The following RNF111 variants were observed in gnomAD, a reference collection of about 807,000 sequenced individuals.
The protein encoded by RNF111 is E3 ubiquitin-protein ligase Arkadia.
In RNF111, 17 loss-of-function variants were observed where a neutral mutation model predicts 95.1. The ratio of observed to expected loss-of-function variants is 0.18; its 90% CI spans 0.12 to 0.27. RNF111 has a LOEUF of 0.27. Ranked by LOEUF, RNF111 falls within the 10% of genes least tolerant of loss-of-function variation. RNF111 has a pLI of 1.00. For synonymous variants in RNF111, 440 were observed against 414.8 expected (o/e 1.06, Z -0.74); for missense variants, 1,189 against 1,210.4 (o/e 0.98, Z 0.26).
chr15:59,037,341 C>T (rs2041228568), intron 2 of RNF111, among the ~76,000 whole-genome samples: 1 of 152,084 alleles, frequency 6.6e-6, no homozygotes, highest in African/African-American at 2.4e-5. Context: ...TGTTTTGTTA[C>T]TGCAATATGT....
intron 1 of RNF111, among the ~76,000 whole-genome samples, chr15:58,997,681 T>A (rs1387531994): frequency 3.3e-5 from 5 of 151,122 alleles, no homozygotes; most frequent in African/African-American, 1.2e-4. Context: ...CAGGGCGTGG[T>A]GGCATATGTC....
At chr15:59,081,798 G>T (rs1370975401) in intron 8 of RNF111, among the ~76,000 whole-genome samples, 2 of 147,590 alleles carry the variant, frequency 1.4e-5, no homozygotes, top group Non-Finnish European at 3.0e-5. Flanking sequence ...AGGCTGAGGC[G>T]GGAGGATCGC....
chr15:59,018,260 T>C (rs2040165940), intron 1 of RNF111, among the ~76,000 whole-genome samples: 1 of 152,222 alleles, frequency 6.6e-6, no homozygotes, highest in African/African-American at 2.4e-5. Context: ...TTTCTCACAT[T>C]TGACAATTCC....
At chr15:59,046,431 G>A (rs1458542937) in intron 2 of RNF111, among the ~76,000 whole-genome samples, 7 of 152,094 alleles carry the variant, frequency 4.6e-5, no homozygotes, top group African/African-American at 1.7e-4. Context: ...GGGCTCAAGT[G>A]ATCTGCCCAC....
chr15:59,085,813 A>AAAATATGGAGTGCAGTAGTATGATCTCAG, intron 10 of RNF111, 28 bp downstream of exon 10: 1 of 1,601,444 alleles, frequency 6.2e-7, no homozygotes, highest in Non-Finnish European at 8.5e-7. Context: ...CAAAATTTTG[A>AAAATATGGAGTGCAGTAGTATGATCTCAG]CATGTTCTAA....
Position 59,052,437 on chromosome 15 carries a change from A to G in RNF111, c.1007+6A>G. On this transcript the variant is annotated splice_donor_region_variant and intron_variant, in intron 3 of 13. Transcript: ENST00000348370. ...ACAGTTGGAGAAAGCTATCGGTGAG[A>G]TTTTAATTCTTAGTTAAATGTTTGA... The G allele has an allele frequency of 1.3e-6, 2 of 1,551,920 alleles. No individual in the cohort carries two copies. The highest frequency in any genetic ancestry group is 1.7e-6 in the Non-Finnish European group (2 of 1,155,238).
rs879856672 is a variant in RNF111 at position 59,073,831 on chromosome 15, C to T, written c.1687-2123C>T. Among the ~76,000 whole-genome samples the T allele has an allele frequency of 1.6e-3, 245 of 152,246 alleles. 1 individual carries two copies. Among genetic ancestry groups the T allele is most frequent in the Non-Finnish European group, 2.9e-3 (197 of 68,034 alleles). Reference sequence around the variant, plus strand: ...TTGATCAGAGGAATTATTATGGCAGCTATAGCCTTATGAAATGTATTTCTT... The same window carrying T: ...TTGATCAGAGGAATTATTATGGCAGTTATAGCCTTATGAAATGTATTTCTT... On this transcript the variant is annotated intron_variant, in intron 6 of 13. Transcript: ENST00000348370.
At chr15:58,996,084 T>C (rs1567196866) in intron 1 of RNF111, among the ~76,000 whole-genome samples, 1 of 152,142 alleles carries the variant, frequency 6.6e-6, no homozygotes, top group East Asian at 1.9e-4. Flanking sequence ...TTTTTTCTTC[T>C]TTTCTTTTTC....
At chr15:58,993,918 G>A (rs2038929877) in intron 1 of RNF111, among the ~76,000 whole-genome samples, 1 of 151,840 alleles carries the variant, frequency 6.6e-6, no homozygotes, top group Non-Finnish European at 1.5e-5. Context: ...TATATGGCTA[G>A]GTGTCAAGTC....
intron 1 of RNF111, among the ~76,000 whole-genome samples, chr15:59,000,672 C>T (rs1241465389): frequency 1.3e-5 from 2 of 151,460 alleles, no homozygotes; most frequent in African/African-American, 4.9e-5. Flanking sequence ...TGGCACCACT[C>T]CGCTCCATCC....
intron 2 of RNF111, among the ~76,000 whole-genome samples, chr15:59,044,325 C>G (rs2041609171): frequency 6.6e-6 from 1 of 152,224 alleles, no homozygotes; most frequent in African/African-American, 2.4e-5. Context: ...GCCACCACGC[C>G]TGGCCATGGA....
chr15:59,091,242 A>G, intron 12 of RNF111, 88 bp downstream of exon 12: 2 of 705,684 alleles, frequency 2.8e-6, no homozygotes, highest in Non-Finnish European at 2.4e-6. Context: ...GACTCTAGCA[A>G]TGACATTTTT....
At chr15:59,012,735 CT>C (rs1215184527) in intron 1 of RNF111, among the ~76,000 whole-genome samples, 1 of 133,154 alleles carries the variant, frequency 7.5e-6, no homozygotes, top group Non-Finnish European at 1.7e-5. Context: ...GGTTCCAACT[CT>C]TTTTTTCTTT....
At chr15:59,089,058 C>T (rs1053821303) in intron 10 of RNF111, among the ~76,000 whole-genome samples, 7 of 152,124 alleles carry the variant, frequency 4.6e-5, no homozygotes, top group Non-Finnish European at 1.0e-4. Context: ...CAGCTGGGAA[C>T]AGAGTTGCAT....
chr15:59,059,211 G>T (rs1271154815), intron 5 of RNF111, among the ~76,000 whole-genome samples: 2 of 152,128 alleles, frequency 1.3e-5, no homozygotes, highest in Non-Finnish European at 2.9e-5. Flanking sequence ...GATTTGAATA[G>T]ATATTTCTGA....
chr15:59,039,055 C>T lies in RNF111; in HGVS notation c.880+7353C>T, dbSNP rs971782468. 5.6e-4 allele frequency among the ~76,000 whole-genome samples: 85 copies of T among 152,272 alleles called. 1 individual carries two copies. The highest frequency in any genetic ancestry group is 1.9e-3 in the African/African-American group (79 of 41,540). ...TCTCAGCTCACCGCAACCTCTGCCTCCCGTGTTCAAGTGATTCTCCTGCCT... is the reference window on the plus strand; with the variant it reads ...TCTCAGCTCACCGCAACCTCTGCCTTCCGTGTTCAAGTGATTCTCCTGCCT... On this transcript the variant is annotated intron_variant, in intron 2 of 13. Transcript: ENST00000348370.
chr15:59,080,626 T>C (rs575725441), intron 7 of RNF111, among the ~76,000 whole-genome samples: 106 of 152,260 alleles, frequency 7.0e-4, no homozygotes, highest in Middle Eastern at 3.4e-3. Context: ...TACACAGATA[T>C]TTATCATAGC....
At chr15:59,043,731 T>G (rs1312620479) in intron 2 of RNF111, among the ~76,000 whole-genome samples, 9 of 152,188 alleles carry the variant, frequency 5.9e-5, no homozygotes, top group African/African-American at 1.2e-4. Flanking sequence ...AGTCATTTGC[T>G]TATACCTTCA....
rs1438944926 is a variant in RNF111, at chr15:58,991,498, TG to T, written c.-20+3432del. Among the ~76,000 whole-genome samples the T allele has an allele frequency of 2.6e-5, 4 of 152,296 alleles. No homozygotes were observed. In the East Asian group the frequency reaches 5.8e-4, roughly 22 times the overall value. The stretch of plus-strand genomic sequence containing the variant: ...TAATAAACAGAATGGTTTCAGGTAG[TG>T]GTAAGTGCCATGAGGAAAATAGGAC... On this transcript the variant is annotated intron_variant, in intron 1 of 13. Transcript: ENST00000348370.
Sources: gnomAD v4.1 joint callset for allele counts (sites outside exome capture counted in the v4.1 genomes callset) on GRCh38, gnomAD v4.1.1 for gene constraint, MANE v1.5 for transcripts, NCBI Gene and HGNC (gene_info 2026-07-23, HGNC 2026-07-21) for gene names.